Variants in TRERF1 observed in about 807,000 individuals in gnomAD.
The protein encoded by TRERF1 is transcriptional regulating factor 1.
A neutral mutation model predicts 122.9 loss-of-function variants in TRERF1; 27 were observed. The observed-to-expected ratio is 0.22, with a 90% CI of 0.16 to 0.30. The LOEUF (loss-of-function observed/expected upper bound fraction) is 0.30. Ranked by LOEUF, TRERF1 falls within the 10% of genes least tolerant of loss-of-function variation. The pLI, the probability that TRERF1 is intolerant of heterozygous loss-of-function variation, is 1.00. For missense variants in TRERF1, 1,248 were observed against 1,560.3 expected (o/e 0.80, Z 3.37); for synonymous variants, 636 against 641.7 (o/e 0.99, Z 0.13).
intron 15 of TRERF1, among the ~76,000 whole-genome samples, chr6:42,239,726 C>A (rs983457801): frequency 6.6e-6 from 1 of 151,938 alleles, no homozygotes; most frequent in African/African-American, 2.4e-5. Flanking sequence ...CCTCCCCAGG[C>A]GCACCCTCCC....
intron 4 of TRERF1, among the ~76,000 whole-genome samples, chr6:42,299,264 G>C (rs4714595): frequency 0.18 from 27,497 of 151,416 alleles, 3,122 homozygotes; most frequent in East Asian, 0.32. Context: ...TAGCTAGCTG[G>C]GTAACCCCAG....
chr6:42,418,266 CT>C (rs60655151), intron 2 of TRERF1, among the ~76,000 whole-genome samples: 1,508 of 37,018 alleles, frequency 0.041, 30 homozygotes, highest in Middle Eastern at 0.056. Flanking sequence ...TTCTTTCTTT[CT>C]TTTTTTTTTT....
In TRERF1 at chr6:42,259,853, G is replaced by A; in HGVS notation, c.1885-130C>T. The A allele has an allele frequency of 6.4e-6, 8 of 1,257,250 alleles. No individual in the cohort carries two copies. Among genetic ancestry groups the A allele is most frequent in the Non-Finnish European group, 8.7e-6 (8 of 922,328 alleles). 77.9% of individuals were successfully genotyped at this position (1,257,250 alleles called of 1,614,324 possible). ...TCTGCTTGACCCCCCCACCCCCAAC[G>A]CCCCCACATTCTGACCACATCCATT... On this transcript the variant is annotated intron_variant, in intron 8 of 17. Coordinates refer to ENST00000372922, the Ensembl canonical transcript of TRERF1. This position sits in a 1 kb window ranked among gnomAD's most constrained non-coding sequence, Gnocchi z 4.9.
At chr6:42,441,121 C>G (rs991638788) in intron 2 of TRERF1, among the ~76,000 whole-genome samples, 1 of 152,194 alleles carries the variant, frequency 6.6e-6, no homozygotes, top group Non-Finnish European at 1.5e-5. Flanking sequence ...TCCCTCTGCA[C>G]CCTCCCCCAG....
chr6:42,321,702 T>C (rs987139833), intron 3 of TRERF1, among the ~76,000 whole-genome samples: 1 of 152,216 alleles, frequency 6.6e-6, no homozygotes, highest in Non-Finnish European at 1.5e-5. Context: ...AGAGTGTTAC[T>C]ATATGTGGGA....
In TRERF1 at chr6:42,259,612, G is replaced by A; in HGVS notation, c.1996C>T (p.Pro666Ser). 6.2e-7 allele frequency: 1 copy of A among 1,613,826 alleles called. No individual in the cohort carries two copies. Among genetic ancestry groups the A allele is most frequent in the South Asian group, 1.1e-5 (1 of 91,082 alleles). ...GCGGGGTTCGGGTTGTAGGAGGGCGGCGGCGGGATGAAGAGAGGTTCCGGC... is the reference window on the plus strand; with the variant it reads ...GCGGGGTTCGGGTTGTAGGAGGGCGACGGCGGGATGAAGAGAGGTTCCGGC... Residue 666 changes from proline to serine, a missense_variant, in exon 9 of 18, where the codon CCG (proline) becomes TCG (serine). Pro to Ser is a moderately conservative substitution (Grantham distance 74). Coordinates refer to ENST00000372922, the Ensembl canonical transcript of TRERF1. This position sits in a 1 kb window ranked among gnomAD's most constrained non-coding sequence, Gnocchi z 4.9.
At chr6:42,247,915 A>G (rs1171392233) in intron 13 of TRERF1, among the ~76,000 whole-genome samples, 1 of 152,082 alleles carries the variant, frequency 6.6e-6, no homozygotes, top group Non-Finnish European at 1.5e-5. Flanking sequence ...AGTGGGGTAC[A>G]CTAGTACCCT....
At chr6:42,450,751 A>T (rs1788331569) in intron 2 of TRERF1, among the ~76,000 whole-genome samples, 1 of 152,156 alleles carries the variant, frequency 6.6e-6, no homozygotes, top group South Asian at 2.1e-4. Flanking sequence ...CATTTCTCCC[A>T]TCTGGGTGGC....
At chr6:42,429,057 G>C (rs1436413486) in intron 2 of TRERF1, among the ~76,000 whole-genome samples, 3 of 152,196 alleles carry the variant, frequency 2.0e-5, no homozygotes, top group African/African-American at 4.8e-5. Context: ...GTGCCCAGCA[G>C]GCGCTGGGTG....
intron 3 of TRERF1, among the ~76,000 whole-genome samples, chr6:42,328,027 A>T: frequency 8.6e-6 from 1 of 116,768 alleles, no homozygotes; most frequent in African/African-American, 3.5e-5. Context: ...TTTTTTTGAG[A>T]CAGGGTCTCA....
Position 42,268,659 on chromosome 6 carries a change from T to TGCTGCG in TRERF1, c.926_931dup (p.Pro309_Gln310dup). Reference sequence around the variant, plus strand: ...ACCCTGCCGCTGCTGCAGCTGTAGCTGCTGCGGCTGCTGCTGCTGTGGCGG... The same window carrying TGCTGCG: ...ACCCTGCCGCTGCTGCAGCTGTAGCTGCTGCGGCTGCGGCTGCTGCTGCTGTGGCGG... On this transcript the variant is annotated inframe_insertion, in exon 5 of 18. Transcript: ENST00000372922. The surrounding 1 kb of genome is among the most constrained non-coding windows in gnomAD (Gnocchi z 4.4). The TGCTGCG allele has an allele frequency of 6.2e-7, 1 of 1,613,980 alleles. No individual in the cohort carries two copies. The highest frequency in any genetic ancestry group is 8.5e-7 in the Non-Finnish European group (1 of 1,179,874).
chr6:42,288,593 A>G (rs944423299), intron 4 of TRERF1, among the ~76,000 whole-genome samples: 3 of 142,516 alleles, frequency 2.1e-5, no homozygotes, highest in Non-Finnish European at 4.7e-5. Flanking sequence ...AAAAAAAAAA[A>G]AAAGAGAGAG....
At chr6:42,345,442 T>C (rs1768092661) in intron 3 of TRERF1, among the ~76,000 whole-genome samples, 2 of 152,108 alleles carry the variant, frequency 1.3e-5, no homozygotes, top group African/African-American at 4.8e-5. Context: ...GCTTCTTCAC[T>C]CACAGACCGG....
intron 17 of TRERF1, among the ~76,000 whole-genome samples, chr6:42,229,498 C>T (rs1255108064): frequency 6.6e-6 from 1 of 152,182 alleles, no homozygotes. Context: ...TTTTTCTCTG[C>T]TTCTTCCTCT....
intron 4 of TRERF1, among the ~76,000 whole-genome samples, chr6:42,290,641 TA>T (rs1056805875): frequency 7.1e-6 from 1 of 139,904 alleles, no homozygotes; most frequent in Non-Finnish European, 1.5e-5. Flanking sequence ...TTTTTTTAAT[TA>T]AAAAAAAGTT....
rs549139527 is a variant in TRERF1, at chr6:42,232,770, C to T, written c.3189G>A (p.Gly1063=). The T allele has an allele frequency of 1.2e-6, 2 of 1,613,254 alleles. No homozygotes were observed. Among genetic ancestry groups the T allele is most frequent in the Middle Eastern group, 1.7e-4 (1 of 6,060 alleles). The change falls in exon 17 of 18, where the codon GGG becomes GGA. Residue 1063 remains glycine (G), a synonymous_variant. Coordinates refer to ENST00000372922, the Ensembl canonical transcript of TRERF1. The surrounding 1 kb of genome is among the most constrained non-coding windows in gnomAD (Gnocchi z 4.5). Reference sequence around the variant, plus strand: ...AGGGTGAGCTCTTTACCGAACAGTACCCACTCTGGGTGCCACCAGGCTTCT... The same window carrying T: ...AGGGTGAGCTCTTTACCGAACAGTATCCACTCTGGGTGCCACCAGGCTTCT...
At chr6:42,262,675 C>T (rs1778429173) in intron 8 of TRERF1, among the ~76,000 whole-genome samples, 1 of 151,004 alleles carries the variant, frequency 6.6e-6, no homozygotes, top group African/African-American at 2.4e-5. Context: ...GAAAGGAGAA[C>T]AGTGAGTGAG....
intron 4 of TRERF1, among the ~76,000 whole-genome samples, chr6:42,300,239 G>A (rs547409188): frequency 1.3e-5 from 2 of 152,322 alleles, no homozygotes; most frequent in African/African-American, 4.8e-5. Flanking sequence ...ATGACTCTGT[G>A]TGGGACAGAA....
rs1031338654 is a variant in TRERF1 at position 42,262,569 on chromosome 6, G to C, written c.1884+751C>G. ...AGAGAGAGAGAGAGAGAGAGAGAGA[G>C]AGAGAGAGAGAGAGAGAGAGAGAGA... On this transcript the variant is annotated intron_variant, in intron 8 of 17. Transcript: ENST00000372922. 3.6e-3 allele frequency among the ~76,000 whole-genome samples: 506 copies of C among 140,854 alleles called. 36 individuals carry two copies. Among genetic ancestry groups the C allele is most frequent in the East Asian group, 7.0e-3 (33 of 4,740 alleles). The allele number at this position is 140,854 out of a possible 152,430, so 92.4% of individuals were successfully genotyped here. A position where few individuals can be genotyped will look rare whatever the true frequency, so the allele number is the denominator to read the frequency against.
Sources: allele counts gnomAD v4.1 joint callset (sites outside exome capture counted in the v4.1 genomes callset), GRCh38; gene constraint gnomAD v4.1.1; non-coding constraint Gnocchi (gnomAD v3.1); transcripts MANE v1.5; gene names NCBI Gene and HGNC (gene_info 2026-07-23, HGNC 2026-07-21).